Variants in TENM2 observed in about 807,000 individuals in gnomAD.
TENM2 encodes the protein teneurin-2.
Under a neutral mutation model 245.2 loss-of-function variants are expected in TENM2, and 52 were observed. The observed-to-expected ratio is 0.21, with a 90% CI of 0.17 to 0.27. The LOEUF is 0.27. TENM2 is among the 10% of genes least tolerant of loss of function. The pLI, the probability that TENM2 is intolerant of heterozygous loss-of-function variation, is 1.00. For synonymous variants in TENM2, 1,363 were observed against 1,438.9 expected (o/e 0.95, Z 1.19); for missense variants, 3,046 against 3,666.8 (o/e 0.83, Z 4.37).
intron 27 of TENM2, among the ~76,000 whole-genome samples, chr5:168,257,387 C>T (rs889241520): frequency 6.6e-5 from 10 of 152,074 alleles, no homozygotes; most frequent in African/African-American, 2.4e-4. Flanking sequence ...GGGAAAAGCC[C>T]GCTGGGCAGA....
intron 9 of TENM2, among the ~76,000 whole-genome samples, chr5:168,102,449 C>G (rs1396816646): frequency 1.3e-5 from 2 of 152,212 alleles, no homozygotes; most frequent in African/African-American, 2.4e-5. Context: ...GTTAGCGCCC[C>G]CATTAACCCT....
chr5:167,581,921 G>GAA (rs546931095), intron 2 of TENM2, among the ~76,000 whole-genome samples: 1 of 140,606 alleles, frequency 7.1e-6, no homozygotes, highest in African/African-American at 2.6e-5. Flanking sequence ...CATTGAGAGA[G>GAA]AAAAAAAAAA....
At chr5:167,037,274 A>G in the TENM2 span, among the ~76,000 whole-genome samples, 1 of 152,142 alleles carries the variant, frequency 6.6e-6, no homozygotes, top group Non-Finnish European at 1.5e-5. Flanking sequence ...GGAAAACAGG[A>G]CTCCAATATC....
At chr5:168,105,605 G>A (rs1186535806) in intron 9 of TENM2, among the ~76,000 whole-genome samples, 1 of 152,072 alleles carries the variant, frequency 6.6e-6, no homozygotes, top group Non-Finnish European at 1.5e-5. Flanking sequence ...ATTAGCATCA[G>A]GGAATACGGA....
At chr5:168,114,438 A>G (rs769152999) in intron 9 of TENM2, among the ~76,000 whole-genome samples, 10 of 152,254 alleles carry the variant, frequency 6.6e-5, no homozygotes, top group Non-Finnish European at 1.2e-4. Context: ...TAGTAAAAAT[A>G]TAAGACTTAT....
chr5:167,300,709 G>A (rs1755258796), intron 1 of TENM2, among the ~76,000 whole-genome samples: 1 of 152,046 alleles, frequency 6.6e-6, no homozygotes, highest in Admixed American at 6.5e-5. Flanking sequence ...CGATAAGGAA[G>A]GAGTAGAGGT....
At chr5:167,375,683 T>G (rs1760707293) in intron 2 of TENM2, among the ~76,000 whole-genome samples, 1 of 152,212 alleles carries the variant, frequency 6.6e-6, no homozygotes, top group Non-Finnish European at 1.5e-5. Context: ...CACATTCTGA[T>G]GATAACACAG....
chr5:167,819,161 A>T (rs550912172), intron 2 of TENM2, among the ~76,000 whole-genome samples: 1 of 152,048 alleles, frequency 6.6e-6, no homozygotes, highest in African/African-American at 2.4e-5. Flanking sequence ...CTGAAGCCCA[A>T]TTCCCATTGC....
intron 15 of TENM2, among the ~76,000 whole-genome samples, chr5:168,196,644 T>A (rs1761453805): frequency 6.6e-6 from 1 of 152,212 alleles, no homozygotes; most frequent in South Asian, 2.1e-4. Context: ...GTATTTTTAG[T>A]AGAGACGGGG....
At chr5:167,381,658 C>G (rs1163160393) in intron 2 of TENM2, among the ~76,000 whole-genome samples, 1 of 152,102 alleles carries the variant, frequency 6.6e-6, no homozygotes, top group African/African-American at 2.4e-5. Context: ...TTGAGGTCAC[C>G]TGATCTTCCT....
At chr5:167,185,765 A>G in the TENM2 span, among the ~76,000 whole-genome samples, 1 of 152,080 alleles carries the variant, frequency 6.6e-6, no homozygotes, top group East Asian at 1.9e-4. Flanking sequence ...CAGATTAACC[A>G]TAAGCCTCCA....
At chr5:167,456,618 A>G (rs12654709) in intron 2 of TENM2, among the ~76,000 whole-genome samples, 57,532 of 151,938 alleles carry the variant, frequency 0.38, 11,537 homozygotes, top group East Asian at 0.61. Context: ...ATCCACTAGG[A>G]TATTAATTTC....
At chr5:167,626,201 T>C (rs1225486064) in intron 2 of TENM2, among the ~76,000 whole-genome samples, 12 of 152,100 alleles carry the variant, frequency 7.9e-5, no homozygotes. Flanking sequence ...ATGATATCCA[T>C]ATCTTCCACA....
intron 13 of TENM2, among the ~76,000 whole-genome samples, chr5:168,170,448 G>T (rs1270669257): frequency 1.3e-5 from 2 of 152,116 alleles, no homozygotes. Flanking sequence ...AGGCTGCAGT[G>T]AGGCAAGATC....
At chr5:167,660,467 A>C (rs1471773807) in intron 2 of TENM2, 1 of 136,178 alleles carries the variant, frequency 7.3e-6, no homozygotes, top group Non-Finnish European at 1.5e-5. Flanking sequence ...TGTGTCTCAA[A>C]AAAAAAAAAA....
the TENM2 span, among the ~76,000 whole-genome samples, chr5:167,043,074 A>T: frequency 6.6e-6 from 1 of 152,180 alleles, no homozygotes; most frequent in Non-Finnish European, 1.5e-5. Context: ...TCTGTGGCTA[A>T]ATTGCTTCTA....
chr5:167,170,487 G>A, the TENM2 span, among the ~76,000 whole-genome samples: 1 of 152,082 alleles, frequency 6.6e-6, no homozygotes, highest in Non-Finnish European at 1.5e-5. Flanking sequence ...TAATATATTG[G>A]TTAAAATCAC....
chr5:167,332,700 C>T (rs745462691), intron 1 of TENM2, among the ~76,000 whole-genome samples: 1 of 152,134 alleles, frequency 6.6e-6, no homozygotes, highest in Admixed American at 6.5e-5. Context: ...TTCATAAACA[C>T]TAATCACACA....
At chr5:168,021,661 C>A (rs1338347829) in intron 5 of TENM2, among the ~76,000 whole-genome samples, 1 of 152,204 alleles carries the variant, frequency 6.6e-6, no homozygotes, top group Non-Finnish European at 1.5e-5. Flanking sequence ...TGTTACAGTG[C>A]ACACTCAAGT....
Sources: allele counts gnomAD v4.1 joint callset (sites outside exome capture counted in the v4.1 genomes callset), GRCh38; gene constraint gnomAD v4.1.1; transcripts MANE v1.5; gene names NCBI Gene and HGNC (gene_info 2026-07-23, HGNC 2026-07-21).